Variants in DDHD1 observed in about 807,000 individuals in gnomAD.
The protein encoded by DDHD1 is phospholipase DDHD1.
DDHD1 carries 49 observed loss-of-function variants against 96.4 expected under a neutral mutation model. The ratio of observed to expected loss-of-function variants is 0.51; its 90% confidence interval spans 0.40 to 0.64. DDHD1 has a LOEUF of 0.64. Among genes scored for constraint, DDHD1 ranks in the 30% least tolerant of loss-of-function variants. The pLI is 0.00. For missense variants in DDHD1, 1,106 were observed against 1,161.2 expected (o/e 0.95, Z 0.69); for synonymous variants, 442 against 446.5 (o/e 0.99, Z 0.13).
At chr14:53,107,358 G>C (rs931979683) in intron 1 of DDHD1, among the ~76,000 whole-genome samples, 1 of 152,128 alleles carries the variant, frequency 6.6e-6, no homozygotes, top group African/African-American at 2.4e-5. Flanking sequence ...TGATAACCAA[G>C]ACAGCTACTA....
At chr14:53,076,099 A>T (rs577525419) in intron 4 of DDHD1, among the ~76,000 whole-genome samples, 1 of 152,276 alleles carries the variant, frequency 6.6e-6, no homozygotes, top group Non-Finnish European at 1.5e-5. Flanking sequence ...TTTAACTTTC[A>T]AGCCTTATAT....
At chr14:53,077,819 T>G (rs1036726117) in intron 4 of DDHD1, among the ~76,000 whole-genome samples, 1 of 152,138 alleles carries the variant, frequency 6.6e-6, no homozygotes, top group Admixed American at 6.6e-5. Flanking sequence ...TCTTCCCACC[T>G]GCCAGCACCC....
At chr14:53,109,724 C>T (rs907782205) in intron 1 of DDHD1, among the ~76,000 whole-genome samples, 8 of 152,096 alleles carry the variant, frequency 5.3e-5, no homozygotes, top group Non-Finnish European at 1.2e-4. Flanking sequence ...TCTTAAAAGG[C>T]TATCATTCTC....
chr14:53,058,060 G>A (rs953309787), intron 9 of DDHD1, among the ~76,000 whole-genome samples: 4 of 152,130 alleles, frequency 2.6e-5, no homozygotes, highest in Non-Finnish European at 4.4e-5. Context: ...GGCTAGTCTC[G>A]AACTTGAGCT....
At chr14:53,117,894 C>T (rs1370374675) in intron 1 of DDHD1, among the ~76,000 whole-genome samples, 2 of 152,118 alleles carry the variant, frequency 1.3e-5, no homozygotes, top group Non-Finnish European at 2.9e-5. Context: ...TGGGAAACAC[C>T]TCCCAGTATT....
intron 11 of DDHD1, chr14:53,053,244 T>C (rs1595087008): frequency 1.3e-5 from 2 of 152,242 alleles, no homozygotes; most frequent in East Asian, 3.9e-4. Context: ...CAGAATTTTG[T>C]ATTTTCACAA....
intron 12 of DDHD1, 128 bp from the exon 13 acceptor site, chr14:53,047,077 C>A: frequency 1.6e-6 from 1 of 642,978 alleles, no homozygotes. Context: ...TAAGAAGTGA[C>A]TTTCCATTAT....
chr14:53,130,118 A>T (rs1352832516), intron 1 of DDHD1, among the ~76,000 whole-genome samples: 1 of 151,952 alleles, frequency 6.6e-6, no homozygotes, highest in African/African-American at 2.4e-5. Context: ...CGCCAGGCTG[A>T]GCCAGGTCCC....
chr14:53,063,541 G>A (rs1883776415), intron 6 of DDHD1, among the ~76,000 whole-genome samples: 1 of 149,792 alleles, frequency 6.7e-6, no homozygotes, highest in South Asian at 2.1e-4. Context: ...AAAGACCCCC[G>A]CAAATTTCTT....
At chr14:53,084,817 G>A (rs956892783) in intron 4 of DDHD1, among the ~76,000 whole-genome samples, 12 of 152,198 alleles carry the variant, frequency 7.9e-5, no homozygotes, top group Admixed American at 6.5e-4. Context: ...GAAGCAGGGT[G>A]GGGCATTGCC....
intron 6 of DDHD1, among the ~76,000 whole-genome samples, chr14:53,064,256 A>C (rs1390853019): frequency 6.6e-6 from 1 of 152,094 alleles, no homozygotes; most frequent in East Asian, 1.9e-4. Context: ...GAGAAGGCTA[A>C]TGTTTAGATA....
chr14:53,054,656 T>C (rs369746363), intron 10 of DDHD1, 27 bp from the exon 11 acceptor site: 66 of 1,605,508 alleles, frequency 4.1e-5, no homozygotes, highest in Non-Finnish European at 5.3e-5. Flanking sequence ...AGGGTAGTCA[T>C]TCTGTTGAAT....
chr14:53,081,950 G>A (rs1024972276), intron 4 of DDHD1, among the ~76,000 whole-genome samples: 3 of 152,110 alleles, frequency 2.0e-5, no homozygotes, highest in African/African-American at 7.2e-5. Flanking sequence ...GGGAGACAGG[G>A]AGAGGGAAGA....
At chr14:53,074,152 CA>C (rs1214155885) in intron 4 of DDHD1, among the ~76,000 whole-genome samples, 3 of 151,970 alleles carry the variant, frequency 2.0e-5, no homozygotes, top group Non-Finnish European at 4.4e-5. Context: ...TCTGTGCCAT[CA>C]CCCAGCTCCA....
In DDHD1 at chr14:53,037,301, A is replaced by G. The variant is rs1881334704; in HGVS notation, c.*9467T>C. On this transcript the variant is annotated 3_prime_UTR_variant, in exon 13 of 13. Transcript: ENST00000673822. ...ACCCATATGCTGGGTTGAATGGTAG[A>G]TCTGTTTTAAGTTATTTGAGAAATC... The G allele has an allele frequency of 1.3e-5, 2 of 152,100 alleles. No homozygotes were observed. Among genetic ancestry groups the G allele is most frequent in the Non-Finnish European group, 2.9e-5 (2 of 67,996 alleles). 9.4% of individuals were successfully genotyped at this position (152,100 alleles called of 1,614,324 possible). A position where few individuals can be genotyped will look rare whatever the true frequency, so the allele number is the denominator to read the frequency against.
In DDHD1 at chr14:53,051,933, A is replaced by G. The variant is rs201040001; in HGVS notation, c.2438-6T>C. 6.3e-5 allele frequency: 98 copies of G among 1,563,980 alleles called. No individual in the cohort carries two copies. Among genetic ancestry groups the G allele is most frequent in the African/African-American group, 1.8e-4 (13 of 73,638 alleles). ...CGATTCTTGAAGTCTGAAATCTGTG[A>G]AAAAAAAACACAAGATGCTGTAAAG... On this transcript the variant is annotated splice_polypyrimidine_tract_variant and splice_region_variant and intron_variant, in intron 11 of 12. Coordinates refer to ENST00000673822, the MANE Select transcript of DDHD1 (RefSeq NM_001160148.2).
At chr14:53,081,265 GTTTC>G (rs992217374) in intron 4 of DDHD1, among the ~76,000 whole-genome samples, 14 of 152,300 alleles carry the variant, frequency 9.2e-5, no homozygotes, top group African/African-American at 1.7e-4. Flanking sequence ...CATTTTTAAA[GTTTC>G]TTTGTCATCT....
chr14:53,072,765 T>C (rs2054673663), intron 5 of DDHD1, 62 bp from the exon 6 acceptor site: 4 of 1,120,816 alleles, frequency 3.6e-6, no homozygotes, highest in Non-Finnish European at 5.2e-6. Flanking sequence ...AGGAAAGTAA[T>C]AGTGAAGAAA....
chr14:53,139,535 C>T (rs1595257753), intron 1 of DDHD1, among the ~76,000 whole-genome samples: 1 of 152,130 alleles, frequency 6.6e-6, no homozygotes, highest in East Asian at 1.9e-4. Flanking sequence ...CAGATCAACT[C>T]CCAACTAGGT....
Sources: allele counts gnomAD v4.1 joint callset (sites outside exome capture counted in the v4.1 genomes callset), GRCh38; gene constraint gnomAD v4.1.1; transcripts MANE v1.5; gene names NCBI Gene and HGNC (gene_info 2026-07-23, HGNC 2026-07-21).